IL1RAPL1: variants seen among roughly 807,000 people sequenced by gnomAD.
IL1RAPL1 encodes interleukin-1 receptor accessory protein-like 1.
Under a neutral mutation model 48.4 loss-of-function variants are expected in IL1RAPL1, and 3 were observed. The ratio of observed to expected loss-of-function variants is 0.06; its 90% CI spans 0.03 to 0.16. The LOEUF (loss-of-function observed/expected upper bound fraction) is 0.16, where lower values mean the gene tolerates loss of function less well. Among genes scored for constraint, IL1RAPL1 ranks in the 10% least tolerant of loss-of-function variants. IL1RAPL1 has a pLI of 1.00. For missense variants in IL1RAPL1, 349 were observed against 530.6 expected (o/e 0.66, Z 3.36); for synonymous variants, 185 against 187.7 (o/e 0.99, Z 0.12).
chrX:28,653,547 C>A (rs1178084327), intron 1 of IL1RAPL1, among the ~76,000 whole-genome samples: 1 of 111,175 alleles, frequency 9.0e-6, no homozygotes, highest in Non-Finnish European at 1.9e-5. Context: ...GTCCCTGCAG[C>A]TCATATACTA....
chrX:29,623,004 C>T (rs886409863), intron 5 of IL1RAPL1, among the ~76,000 whole-genome samples: 4 of 109,352 alleles, frequency 3.7e-5, no homozygotes, highest in Admixed American at 9.8e-5. Flanking sequence ...GGCGCGGTGG[C>T]TCACGCCTGT....
chrX:29,463,397 T>C (rs2147735139), intron 5 of IL1RAPL1, among the ~76,000 whole-genome samples: 1 of 112,253 alleles, frequency 8.9e-6, no homozygotes, highest in South Asian at 3.7e-4. Flanking sequence ...TTACTCATAG[T>C]GTAGACCATG....
intron 6 of IL1RAPL1, among the ~76,000 whole-genome samples, chrX:29,802,310 A>G (rs1330617944): frequency 8.9e-6 from 1 of 112,169 alleles, no homozygotes; most frequent in African/African-American, 3.2e-5. Context: ...GTAAAAGAGT[A>G]TTTTGATTTA....
chrX:29,065,207 A>AT (rs910120456), intron 2 of IL1RAPL1, among the ~76,000 whole-genome samples: 1 of 105,872 alleles, frequency 9.4e-6, no homozygotes, highest in African/African-American at 3.5e-5. Context: ...TTCTGCAAGG[A>AT]TTTTGCTTAT....
At chrX:28,999,056 T>C (rs1385950391) in intron 2 of IL1RAPL1, among the ~76,000 whole-genome samples, 1 of 111,742 alleles carries the variant, frequency 8.9e-6, no homozygotes, top group African/African-American at 3.3e-5. Context: ...TTCAGCCACG[T>C]AGAAGGAAAC....
intron 1 of IL1RAPL1, among the ~76,000 whole-genome samples, chrX:28,646,204 A>G (rs2039653901): frequency 8.9e-6 from 1 of 111,926 alleles, no homozygotes; most frequent in African/African-American, 3.3e-5. Context: ...TCTCGTAAGG[A>G]GGATGCAACA....
intron 5 of IL1RAPL1, among the ~76,000 whole-genome samples, chrX:29,475,841 T>G (rs1280553227): frequency 9.0e-6 from 1 of 111,219 alleles, no homozygotes; most frequent in Non-Finnish European, 1.9e-5. Context: ...GAAGTTTTTT[T>G]TTTTTATGTA....
At chrX:29,351,255 T>C (rs1017981293) in intron 3 of IL1RAPL1, among the ~76,000 whole-genome samples, 2 of 112,052 alleles carry the variant, frequency 1.8e-5, no homozygotes, top group Admixed American at 9.5e-5. Context: ...TGGTTTATTC[T>C]GAATTTATTT....
intron 2 of IL1RAPL1, among the ~76,000 whole-genome samples, chrX:29,231,424 G>A (rs1021204126): frequency 8.9e-6 from 1 of 111,959 alleles, no homozygotes; most frequent in Non-Finnish European, 1.9e-5. Context: ...GCAAATTAAC[G>A]ACTGAGTGAA....
intron 6 of IL1RAPL1, among the ~76,000 whole-genome samples, chrX:29,719,924 G>T (rs1927590988): frequency 9.0e-6 from 1 of 110,641 alleles, no homozygotes; most frequent in African/African-American, 3.3e-5. Flanking sequence ...TCTTCTTGAG[G>T]CACAGTTGGC....
At position 29,870,765 on chromosome X, in the gene IL1RAPL1, A is replaced by C. The variant is rs183360557; in HGVS notation, c.779-46699A>C. ...GTTTTATTTTTAAAGTCACTAAGAT[A>C]TACCCATATCTTGGTATTCCATAAG... On this transcript the variant is annotated intron_variant, in intron 6 of 10. Coordinates refer to ENST00000378993, the MANE Select transcript of IL1RAPL1 (RefSeq NM_014271.4). Among the ~76,000 whole-genome samples, 144 of 112,338 alleles carry C rather than the reference A, an allele frequency of 1.3e-3. 1 individual carries two copies. Among genetic ancestry groups the C allele is most frequent in the African/African-American group, 4.2e-3 (131 of 30,974 alleles).
chrX:28,965,729 A>C (rs1296125710), intron 2 of IL1RAPL1, among the ~76,000 whole-genome samples: 4 of 111,983 alleles, frequency 3.6e-5, no homozygotes, highest in Non-Finnish European at 5.7e-5. Flanking sequence ...ATAATAAAGC[A>C]ATCTGTGCGC....
intron 6 of IL1RAPL1, among the ~76,000 whole-genome samples, chrX:29,830,415 C>G (rs1930846616): frequency 9.2e-6 from 1 of 109,178 alleles, no homozygotes; most frequent in South Asian, 3.9e-4. Context: ...CTGTCATTTA[C>G]CAAGTATAGA....
intron 5 of IL1RAPL1, among the ~76,000 whole-genome samples, chrX:29,570,875 A>G (rs1417048068): frequency 8.9e-6 from 1 of 112,479 alleles, no homozygotes; most frequent in Admixed American, 9.4e-5. Flanking sequence ...AAGAAAATAT[A>G]TGGAAAACAG....
intron 6 of IL1RAPL1, among the ~76,000 whole-genome samples, chrX:29,864,998 A>C (rs983183529): frequency 3.4e-4 from 38 of 112,183 alleles, no homozygotes; most frequent in African/African-American, 1.2e-3. Flanking sequence ...AAGTCAGATT[A>C]AAACACTGCC....
At chrX:29,100,547 T>TAGG (rs1256685437) in intron 2 of IL1RAPL1, among the ~76,000 whole-genome samples, 1 of 112,043 alleles carries the variant, frequency 8.9e-6, no homozygotes, top group Non-Finnish European at 1.9e-5. Flanking sequence ...TTAGTTTACA[T>TAGG]ACTAAGTTAT....
At chrX:28,978,683 T>C (rs1229568820) in intron 2 of IL1RAPL1, among the ~76,000 whole-genome samples, 1 of 112,094 alleles carries the variant, frequency 8.9e-6, no homozygotes, top group African/African-American at 3.2e-5. Flanking sequence ...TCAGATTATG[T>C]GTTTTCCTCC....
At chrX:28,659,916 G>A (rs776647879) in intron 1 of IL1RAPL1, among the ~76,000 whole-genome samples, 1 of 110,873 alleles carries the variant, frequency 9.0e-6, no homozygotes, top group Non-Finnish European at 1.9e-5. Flanking sequence ...GTTACTTTTG[G>A]GGACCAGTGT....
At chrX:29,049,593 A>T (rs1380016388) in intron 2 of IL1RAPL1, among the ~76,000 whole-genome samples, 2 of 111,438 alleles carry the variant, frequency 1.8e-5, no homozygotes, top group African/African-American at 6.6e-5. Context: ...CCCATGGGAC[A>T]TTTTGTAATT....
Sources: gnomAD v4.1 joint callset for allele counts (sites outside exome capture counted in the v4.1 genomes callset) on GRCh38, gnomAD v4.1.1 for gene constraint, MANE v1.5 for transcripts, NCBI Gene and HGNC (gene_info 2026-07-23, HGNC 2026-07-21) for gene names.